CACNA2D4: variants seen among roughly 807,000 people sequenced by gnomAD.
CACNA2D4 encodes the protein voltage-dependent calcium channel subunit alpha-2/delta-4.
CACNA2D4 carries 157 observed loss-of-function variants against 163.8 expected under a neutral mutation model. The ratio of observed to expected loss-of-function variants is 0.96; its 90% confidence interval spans 0.84 to 1.09. The LOEUF (loss-of-function observed/expected upper bound fraction) is 1.09, where lower values mean the gene tolerates loss of function less well. Ranked by LOEUF, CACNA2D4 falls within the 50% of genes least tolerant of loss-of-function variation. The pLI, the probability that CACNA2D4 is intolerant of heterozygous loss-of-function variation, is 0.00. For synonymous variants in CACNA2D4, 598 were observed against 586.9 expected, an observed-to-expected ratio of 1.02 and a Z score of -0.27; for missense variants, 1,410 against 1,479.9, an observed-to-expected ratio of 0.95 and a Z score of 0.78.
In CACNA2D4 at chr12:1,918,532, C is replaced by T; in HGVS notation, c.-59G>A. Reference sequence around the variant, plus strand: ...CGCCCCAGGCCTTTGTCTTCCGTGCCTTGGCGAGCCTGGGGTCTCCAGCCT... The same window carrying T: ...CGCCCCAGGCCTTTGTCTTCCGTGCTTTGGCGAGCCTGGGGTCTCCAGCCT... On this transcript the variant is annotated 5_prime_UTR_variant, in exon 1 of 38. Transcript: ENST00000382722. The T allele has an allele frequency of 1.0e-5, 14 of 1,383,216 alleles. No individual in the cohort carries two copies. The highest frequency in any genetic ancestry group is 1.4e-5 in the Non-Finnish European group (14 of 1,007,294). The allele number at this position is 1,383,216 out of a possible 1,614,324, so 85.7% of individuals were successfully genotyped here. A position where few individuals can be genotyped will look rare whatever the true frequency, so the allele number is the denominator to read the frequency against.
chr12:1,832,275 C>T (rs1200693756), intron 26 of CACNA2D4, among the ~76,000 whole-genome samples: 2 of 152,188 alleles, frequency 1.3e-5, no homozygotes, highest in Non-Finnish European at 2.9e-5. Flanking sequence ...GTTACCCTTT[C>T]GCTGTGGCAG....
At chr12:1,901,947 A>G (rs970842859) in intron 6 of CACNA2D4, among the ~76,000 whole-genome samples, 18 of 152,120 alleles carry the variant, frequency 1.2e-4, no homozygotes, top group African/African-American at 4.3e-4. Flanking sequence ...CCTGAAGAGC[A>G]CTGATGCAAA....
At chr12:1,801,736 C>A in intron 29 of CACNA2D4, 92 bp from the exon 30 acceptor site, 7 of 890,600 alleles carry the variant, frequency 7.9e-6, no homozygotes, top group South Asian at 1.9e-5. Context: ...CAGCTCAGGT[C>A]GAGGCTTTTG....
At chr12:1,803,115 G>A (rs1296587040) in intron 29 of CACNA2D4, among the ~76,000 whole-genome samples, 1 of 152,238 alleles carries the variant, frequency 6.6e-6, no homozygotes. Flanking sequence ...ATGCAAGGCT[G>A]GTACAGGAGC....
At position 1,882,939 on chromosome 12, in the gene CACNA2D4, G is replaced by A. The variant is rs78872077; in HGVS notation, c.1413C>T (p.His471=). ...DTQENVMEYL[H]VLSRPMVINH... ...TGATGACCATGGGGCGGCTGAGCAC[G>A]TGCAGGTATTCCATCACGTTCTCCT... Residue 471 remains histidine, a synonymous_variant, in exon 13 of 38, where the codon CAC becomes CAT. Coordinates refer to ENST00000382722, the MANE Select transcript of CACNA2D4 (RefSeq NM_172364.5). 39 of 1,613,432 alleles carry A rather than the reference G, an allele frequency of 2.4e-5. No homozygotes were observed. Among genetic ancestry groups the A allele is most frequent in the Non-Finnish European group, 3.1e-5 (36 of 1,179,738 alleles).
In CACNA2D4 at chr12:1,801,586, C is replaced by G; in HGVS notation, c.2780G>C (p.Gly927Ala). 6.3e-7 allele frequency: 1 copy of G among 1,589,400 alleles called. No individual in the cohort carries two copies. The change falls in exon 30 of 38, where the codon GGG becomes GCG. Residue 927 changes from glycine (G) to alanine (A), a missense_variant. Physicochemically the swap from Gly to Ala is moderately conservative, Grantham distance 60 (BLOSUM62 0). Transcript: ENST00000382722. ...GAVLTQLLSMGVFSQVTMYDY... is the reference protein window; with the variant it reads ...GAVLTQLLSMAVFSQVTMYDY... ...GTGCCCCACTTACTGGCTGAACACC[C>G]CCATGCTGAGCAGCTGGGTCAGGAC...
intron 6 of CACNA2D4, among the ~76,000 whole-genome samples, chr12:1,890,932 T>G (rs7299904): frequency 0.32 from 47,985 of 152,100 alleles, 9,371 homozygotes; most frequent in African/African-American, 0.55. Flanking sequence ...TCCTGGGGAC[T>G]GAACTGCCCA....
chr12:1,853,950 C>CT lies in CACNA2D4; in HGVS notation c.2246dup (p.Glu750GlyfsTer3). ...CTGGGAACCTGGGAACCTGGACCTACTCGGACATGTTGAGGGCCAGCGCTG... is the reference window on the plus strand; with the variant it reads ...CTGGGAACCTGGGAACCTGGACCTACTTCGGACATGTTGAGGGCCAGCGCTG... On this transcript the variant is annotated frameshift_variant and splice_region_variant. Coordinates refer to ENST00000382722, the MANE Select transcript of CACNA2D4 (RefSeq NM_172364.5). LOFTEE classifies it high-confidence loss of function. 6.2e-7 allele frequency: 1 copy of CT among 1,612,276 alleles called. No homozygotes were observed. The highest frequency in any genetic ancestry group is 8.5e-7 in the Non-Finnish European group (1 of 1,178,830).
At position 1,887,073 on chromosome 12, in the gene CACNA2D4, G is replaced by A; in HGVS notation, c.782-4C>T. The A allele has an allele frequency of 6.3e-7, 1 of 1,577,228 alleles. No individual in the cohort carries two copies. Among genetic ancestry groups the A allele is most frequent in the Non-Finnish European group, 8.6e-7 (1 of 1,157,434 alleles). ...TCATCAGGTGTCCATTTTATACCTG[G>A]GAGAATAAAGACTCGTTCTTTTACT... On this transcript the variant is annotated splice_region_variant and splice_polypyrimidine_tract_variant and intron_variant, in intron 6 of 37. Transcript: ENST00000382722.
intron 37 of CACNA2D4, 179 bp downstream of exon 37, chr12:1,795,120 C>G (rs1863073662): frequency 3.3e-6 from 2 of 604,172 alleles, no homozygotes; most frequent in African/African-American, 1.9e-5. Context: ...AAATAAAGAT[C>G]TGTTTCTTAT....
At position 1,793,731 on chromosome 12, in the gene CACNA2D4, G is replaced by A. The variant is rs200044179; in HGVS notation, c.3338C>T (p.Ser1113Leu). ...TAGGGGCGGCGAGGCTGAGGTGTCC[G>A]AGGCGCCGCCGCAGTCCTGGGCATT... Reference protein sequence around the residue: ...EENAQDCGGASDTSASPPLLL... With the variant: ...EENAQDCGGALDTSASPPLLL... The change falls in exon 38 of 38, where the codon TCG becomes TTG. Residue 1113 changes from serine to leucine, a missense_variant. Transcript: ENST00000382722. The A allele has an allele frequency of 3.0e-5, 48 of 1,613,156 alleles. No individual in the cohort carries two copies. Among genetic ancestry groups the A allele is most frequent in the Non-Finnish European group, 4.0e-5 (47 of 1,179,880 alleles).
At chr12:1,824,279 C>A (rs139771443) in intron 26 of CACNA2D4, among the ~76,000 whole-genome samples, 3 of 152,180 alleles carry the variant, frequency 2.0e-5, no homozygotes, top group African/African-American at 7.2e-5. Flanking sequence ...TGTTAAAATG[C>A]GGATTCTGAC....
Position 1,828,108 on chromosome 12 carries a change from C to A in CACNA2D4, c.2551+12631G>T. The A allele has an allele frequency of 6.7e-7, 1 of 1,488,668 alleles. No homozygotes were observed. The highest frequency in any genetic ancestry group is 2.3e-5 in the Admixed American group (1 of 43,594). 92.2% of individuals were successfully genotyped at this position (1,488,668 alleles called of 1,614,324 possible). A position where few individuals can be genotyped will look rare whatever the true frequency, so the allele number is the denominator to read the frequency against. ...AGGCGGCGCACCCAGGGGCTCCTCT[C>A]TCCCCAGAGCGACAGGGCCCGGAGA... On this transcript the variant is annotated intron_variant, in intron 26 of 37. Transcript: ENST00000382722. The surrounding 1 kb of genome is among the most constrained non-coding windows in gnomAD (Gnocchi z 4.2).
chr12:1,893,732 T>C (rs1866340318), intron 6 of CACNA2D4, among the ~76,000 whole-genome samples: 1 of 151,998 alleles, frequency 6.6e-6, no homozygotes, highest in African/African-American at 2.4e-5. Context: ...AAAAACAATA[T>C]ACCAAAACTT....
At chr12:1,907,333 C>T in intron 6 of CACNA2D4, 107 bp downstream of exon 6, 1 of 1,047,388 alleles carries the variant, frequency 9.5e-7, no homozygotes, top group Non-Finnish European at 1.4e-6. Flanking sequence ...ATAGGAGGAC[C>T]AGCCCCATTC....
chr12:1,819,250 G>T (rs1863999393), intron 26 of CACNA2D4, among the ~76,000 whole-genome samples: 1 of 152,182 alleles, frequency 6.6e-6, no homozygotes, highest in Non-Finnish European at 1.5e-5. Flanking sequence ...TGTTTATGGG[G>T]AGGTGGGAGC....
chr12:1,873,963 C>T (rs756850591), intron 18 of CACNA2D4, among the ~76,000 whole-genome samples: 9 of 152,168 alleles, frequency 5.9e-5, no homozygotes, highest in Non-Finnish European at 1.0e-4. Context: ...GCTCTTTCAG[C>T]TGAGGCAGAT....
intron 18 of CACNA2D4, among the ~76,000 whole-genome samples, chr12:1,864,408 C>T (rs767144950): frequency 9.9e-5 from 15 of 152,238 alleles, no homozygotes; most frequent in Non-Finnish European, 1.8e-4. Flanking sequence ...GCAAAATTAA[C>T]ACCGTCATTT....
chr12:1,892,991 T>C (rs568410844), intron 6 of CACNA2D4, among the ~76,000 whole-genome samples: 1 of 152,310 alleles, frequency 6.6e-6, no homozygotes, highest in South Asian at 2.1e-4. Context: ...CCCAGATATA[T>C]GTGGCAAATA....
Sources: allele counts gnomAD v4.1 joint callset (sites outside exome capture counted in the v4.1 genomes callset), GRCh38; gene constraint gnomAD v4.1.1; non-coding constraint Gnocchi (gnomAD v3.1); transcripts MANE v1.5; gene names NCBI Gene and HGNC (gene_info 2026-07-23, HGNC 2026-07-21).